Variants in N4BP2 observed in about 807,000 individuals in gnomAD.
N4BP2 encodes the protein NEDD4 binding protein 2.
N4BP2 carries 91 observed loss-of-function variants against 152.8 expected under a neutral mutation model. The observed-to-expected ratio is 0.60, with a 90% CI of 0.50 to 0.71. The LOEUF (loss-of-function observed/expected upper bound fraction) is 0.71. N4BP2 is among the 30% of genes least tolerant of loss of function. The probability of loss-of-function intolerance (pLI) is 0.00; values close to 1 mark genes in which losing one functional copy is unlikely to be tolerated. For synonymous variants in N4BP2, 646 were observed against 705.3 expected (o/e 0.92, Z 1.33); for missense variants, 1,923 against 2,059.1 (o/e 0.93, Z 1.28).
At chr4:40,146,597 A>C (rs1720539613) in intron 16 of N4BP2, among the ~76,000 whole-genome samples, 1 of 152,228 alleles carries the variant, frequency 6.6e-6, no homozygotes, top group African/African-American at 2.4e-5. Context: ...ATAAATGTAC[A>C]CATTGTAAAG....
chr4:40,125,201 C>T (rs1044041829), intron 11 of N4BP2, among the ~76,000 whole-genome samples: 1 of 152,166 alleles, frequency 6.6e-6, no homozygotes, highest in Non-Finnish European at 1.5e-5. Flanking sequence ...TAGAGGTGCC[C>T]AAAGGATGGT....
At chr4:40,130,937 T>C (rs1411140035) in intron 12 of N4BP2, among the ~76,000 whole-genome samples, 1 of 152,198 alleles carries the variant, frequency 6.6e-6, no homozygotes, top group Non-Finnish European at 1.5e-5. Context: ...TTTAGGAAAG[T>C]TCTTTTTGTC....
chr4:40,087,916 G>A (rs1018953976), intron 2 of N4BP2, among the ~76,000 whole-genome samples: 3 of 152,068 alleles, frequency 2.0e-5, no homozygotes, highest in Admixed American at 6.5e-5. Flanking sequence ...TGTATTTTTA[G>A]TAGAGGCAGG....
chr4:40,112,143 G>C lies in N4BP2; in HGVS notation c.1558G>C (p.Ala520Pro), dbSNP rs1716946405. 6.3e-7 allele frequency: 1 copy of C among 1,579,576 alleles called. No homozygotes were observed. The highest frequency in any genetic ancestry group is 1.4e-5 in the African/African-American group (1 of 73,376). Residue 520 changes from alanine (A) to proline (P), a missense_variant, in exon 6 of 18, where the codon GCA becomes CCA. Ala to Pro is a conservative substitution (Grantham distance 27). Coordinates refer to ENST00000261435, the MANE Select transcript of N4BP2 (RefSeq NM_018177.6). ...AATTATAGATAATACAAACCTACAG[G>C]CATGGGAAATGAAACCATATGTTGC... The part of the protein sequence containing the change: ...PIIIDNTNLQ[A>P]WEMKPYVALS...
chr4:40,125,930 T>A (rs1445379147), intron 11 of N4BP2, among the ~76,000 whole-genome samples: 1 of 151,690 alleles, frequency 6.6e-6, no homozygotes, highest in Non-Finnish European at 1.5e-5. Context: ...ATTACTCTTT[T>A]AAAATATTGC....
At chr4:40,185,252 C>A in the N4BP2 span, among the ~76,000 whole-genome samples, 1 of 152,062 alleles carries the variant, frequency 6.6e-6, no homozygotes, top group Non-Finnish European at 1.5e-5. Context: ...AGTTGCTTAA[C>A]CTTTCTGAAC....
At chr4:40,147,560 G>C (rs1193399980) in intron 16 of N4BP2, among the ~76,000 whole-genome samples, 1 of 147,868 alleles carries the variant, frequency 6.8e-6, no homozygotes, top group South Asian at 2.2e-4. Flanking sequence ...CCTCCCTCCC[G>C]GACATGGCGG....
chr4:40,190,074 C>T, the N4BP2 span, among the ~76,000 whole-genome samples: 1 of 152,152 alleles, frequency 6.6e-6, no homozygotes, highest in African/African-American at 2.4e-5. Flanking sequence ...TTTCTATCCC[C>T]CTTCCTTACT....
rs1717916218 is a variant in N4BP2 at position 40,121,577 on chromosome 4, G to T, written c.3466G>T (p.Gly1156Trp). Residue 1156 changes from glycine (G) to tryptophan (W), a missense_variant, in exon 9 of 18, where the codon GGG (glycine) becomes TGG (tryptophan). By Grantham distance (184) the Gly-to-Trp change is radical. Transcript: ENST00000261435. Reference protein sequence around the residue: ...DGSQIGPFSLGLNLKEIISQR... With the variant: ...DGSQIGPFSLWLNLKEIISQR... ...ATCACAAATTGGGCCTTTTTCTCTGGGGTTGAATTTGAAAGAAATTATTAG... is the reference window on the plus strand; with the variant it reads ...ATCACAAATTGGGCCTTTTTCTCTGTGGTTGAATTTGAAAGAAATTATTAG... The T allele has an allele frequency of 6.2e-7, 1 of 1,614,036 alleles. No homozygotes were observed. Among genetic ancestry groups the T allele is most frequent in the Non-Finnish European group, 8.5e-7 (1 of 1,179,982 alleles).
At position 40,117,919 on chromosome 4, in the gene N4BP2, A is replaced by C; in HGVS notation, c.1715A>C (p.His572Pro). 1 of 1,612,898 alleles carries C rather than the reference A, an allele frequency of 6.2e-7. No individual in the cohort carries two copies. Among genetic ancestry groups the C allele is most frequent in the Non-Finnish European group, 8.5e-7 (1 of 1,179,464 alleles). ...GAAAAAATAACAAGAATGTTGGAAC[A>C]TTATCAACGTTTTGTTTCAGTGCCA... Reference protein sequence around the residue: ...SKEKITRMLEHYQRFVSVPII... With the variant: ...SKEKITRMLEPYQRFVSVPII... The change falls in exon 8 of 18, where the codon CAT (histidine) becomes CCT (proline). Residue 572 changes from histidine to proline, a missense_variant. His to Pro is a moderately conservative substitution (Grantham distance 77). Transcript: ENST00000261435.
In N4BP2 at chr4:40,084,007, G is replaced by T. The variant is rs761915553; in HGVS notation, c.-115+10456G>T. 2.0e-3 allele frequency among the ~76,000 whole-genome samples: 301 copies of T among 152,334 alleles called. 1 individual carries two copies. Among genetic ancestry groups the T allele is most frequent in the Middle Eastern group, 0.01 (3 of 294 alleles). On this transcript the variant is annotated intron_variant, in intron 2 of 17. Transcript: ENST00000261435. The stretch of plus-strand genomic sequence containing the variant: ...GGGGTCTCACTCTGTCACCCAGGCT[G>T]GAGTTGCAGTGGTGTGATCTCTGCT...
intron 1 of N4BP2, among the ~76,000 whole-genome samples, chr4:40,066,745 AC>A (rs1323474853): frequency 1.5e-4 from 23 of 152,164 alleles, no homozygotes; most frequent in Admixed American, 1.4e-3. Context: ...AAAAAGTACA[AC>A]GTATTTACTA....
At chr4:40,128,464 T>C (rs1718622361) in intron 12 of N4BP2, among the ~76,000 whole-genome samples, 1 of 152,160 alleles carries the variant, frequency 6.6e-6, no homozygotes, top group Non-Finnish European at 1.5e-5. Context: ...TCTTAAAATT[T>C]TAGTGTCCTG....
chr4:40,137,664 A>G (rs1719528708), intron 14 of N4BP2, among the ~76,000 whole-genome samples: 1 of 152,164 alleles, frequency 6.6e-6, no homozygotes, highest in South Asian at 2.1e-4. Context: ...AGAGTTCTGG[A>G]AACAGGAGGT....
chr4:40,117,482 T>C (rs956140016), intron 7 of N4BP2, among the ~76,000 whole-genome samples: 1 of 152,250 alleles, frequency 6.6e-6, no homozygotes, highest in Admixed American at 6.5e-5. Context: ...CTGGCAGGTA[T>C]AAACCTAGAT....
Position 40,117,877 on chromosome 4 carries a change from T to G in N4BP2, c.1673T>G (p.Ile558Ser). The change falls in exon 8 of 18, where the codon ATT becomes AGT. Residue 558 changes from isoleucine to serine, a missense_variant. Transcript: ENST00000261435. Reference sequence around the variant, plus strand: ...TCCCCTGGAATTTTCAGGCGTAACATTCATGGGGTAAGCAAAGAAAAAATA... The same window carrying G: ...TCCCCTGGAATTTTCAGGCGTAACAGTCATGGGGTAAGCAAAGAAAAAATA... ...FKPKELARRN[I>S]HGVSKEKITR... The G allele has an allele frequency of 6.2e-7, 1 of 1,606,512 alleles. No homozygotes were observed. The highest frequency in any genetic ancestry group is 8.5e-7 in the Non-Finnish European group (1 of 1,177,070).
At chr4:40,139,960 T>C (rs1437119285) in intron 14 of N4BP2, among the ~76,000 whole-genome samples, 1 of 151,136 alleles carries the variant, frequency 6.6e-6, no homozygotes, top group Non-Finnish European at 1.5e-5. Flanking sequence ...CCACCACACC[T>C]GGCTAATTTT....
rs184290848 is a variant in N4BP2, at chr4:40,148,951, A to G, written c.5144-3829A>G. On this transcript the variant is annotated intron_variant, in intron 16 of 17. Transcript: ENST00000261435. ...AAGAAAAAAAAAATTGAAAAATCGA[A>G]AAACAGAAAAATGAAATGGAAAGTA... 4.5e-4 allele frequency among the ~76,000 whole-genome samples: 69 copies of G among 152,322 alleles called. No homozygotes were observed. The East Asian group carries it at 0.011, about 24-fold the overall frequency.
In N4BP2 at chr4:40,120,207, A is replaced by T; in HGVS notation, c.2096A>T (p.Glu699Val). 6.2e-7 allele frequency: 1 copy of T among 1,613,812 alleles called. No individual in the cohort carries two copies. The highest frequency in any genetic ancestry group is 8.5e-7 in the Non-Finnish European group (1 of 1,179,968). ...ESKLQATDKSENEQIEMVAVK... is the reference protein window; with the variant it reads ...ESKLQATDKSVNEQIEMVAVK... ...AAACTACAGGCAACAGACAAAAGTG[A>T]AAACGAGCAAATAGAAATGGTGGCT... Residue 699 changes from glutamate to valine, a missense_variant, in exon 9 of 18, where the codon GAA becomes GTA. Coordinates refer to ENST00000261435, the MANE Select transcript of N4BP2 (RefSeq NM_018177.6).
Sources: gnomAD v4.1 joint callset for allele counts (sites outside exome capture counted in the v4.1 genomes callset) on GRCh38, gnomAD v4.1.1 for gene constraint, MANE v1.5 for transcripts, NCBI Gene and HGNC (gene_info 2026-07-23, HGNC 2026-07-21) for gene names.